The following DCLK3 variants were observed in gnomAD, a reference collection of about 807,000 sequenced individuals.
DCLK3 encodes the protein doublecortin like kinase 3.
DCLK3 carries 30 observed loss-of-function variants against 46.4 expected under a neutral mutation model. That is an observed-to-expected ratio of 0.65 (90% CI 0.48 to 0.88). The LOEUF is 0.88. DCLK3 is among the 40% of genes least tolerant of loss of function. The probability of loss-of-function intolerance (pLI) is 0.00; values close to 1 mark genes in which losing one functional copy is unlikely to be tolerated. For synonymous variants in DCLK3, 401 were observed against 339.2 expected (o/e 1.18, Z -2.00); for missense variants, 846 against 907.1 (o/e 0.93, Z 0.87).
Position 36,738,489 on chromosome 3 carries a change from G to A in DCLK3, c.678C>T (p.Thr226=), listed in dbSNP as rs188521258. 5.4e-5 allele frequency: 81 copies of A among 1,491,628 alleles called. No individual in the cohort carries two copies. In the East Asian group the frequency reaches 5.6e-4, roughly 10 times the overall value. The allele number at this position is 1,491,628 out of a possible 1,614,324, so 92.4% of individuals were successfully genotyped here. ...ALKGDHRCGE[T]ETPKSCSEVA... is the part of the protein sequence containing the mutation. ...CTTCGCTGCAGCTCTTGGGGGTCTCGGTCTCCCCACAGCGGTGGTCTCCTT... is the reference window on the plus strand; with the variant it reads ...CTTCGCTGCAGCTCTTGGGGGTCTCAGTCTCCCCACAGCGGTGGTCTCCTT... The change falls in exon 2 of 5, where the codon ACC becomes ACT. Residue 226 remains threonine, a synonymous_variant. Coordinates refer to ENST00000636136, the MANE Select transcript of DCLK3 (RefSeq NM_001394672.2).
chr3:36,755,994 G>T (rs1300806477), intron 1 of DCLK3, among the ~76,000 whole-genome samples: 1 of 152,190 alleles, frequency 6.6e-6, no homozygotes. Context: ...TCCACCTACA[G>T]TCCAGTGGCC....
intron 2 of DCLK3, among the ~76,000 whole-genome samples, chr3:36,727,669 C>T (rs947261668): frequency 4.6e-5 from 7 of 152,136 alleles, no homozygotes; most frequent in Non-Finnish European, 1.0e-4. Context: ...TGGGGGGCAG[C>T]GGTTAAGATC....
In DCLK3 at chr3:36,738,480, G is replaced by C; in HGVS notation, c.687C>G (p.Pro229=). 2 of 1,488,588 alleles carry C rather than the reference G, an allele frequency of 1.3e-6. No homozygotes were observed. The highest frequency in any genetic ancestry group is 2.5e-5 in the Admixed American group (1 of 40,200). The allele number at this position is 1,488,588 out of a possible 1,614,324, so 92.2% of individuals were successfully genotyped here. A position where few individuals can be genotyped will look rare whatever the true frequency, so the allele number is the denominator to read the frequency against. Residue 229 remains proline, a synonymous_variant, in exon 2 of 5, where the codon CCC becomes CCG. Transcript: ENST00000636136. The part of the protein sequence containing the change: ...GDHRCGETET[P]KSCSEVAGCK... The stretch of plus-strand genomic sequence containing the variant: ...ATCCTGCAACTTCGCTGCAGCTCTT[G>C]GGGGTCTCGGTCTCCCCACAGCGGT...
intron 4 of DCLK3, 114 bp downstream of exon 4, chr3:36,717,896 G>T: frequency 7.3e-7 from 1 of 1,360,598 alleles, no homozygotes; most frequent in Non-Finnish European, 1.0e-6. Context: ...TAAAGGCTGA[G>T]ACATGACATG....
chr3:36,726,621 T>TC (rs1701128410), intron 2 of DCLK3, among the ~76,000 whole-genome samples: 1 of 152,062 alleles, frequency 6.6e-6, no homozygotes, highest in East Asian at 1.9e-4. Context: ...GAATAAATTC[T>TC]CCCCACTTGC....
chr3:36,760,384 C>A lies in DCLK3; in HGVS notation c.82+3798G>T, dbSNP rs150660297. 3.7e-3 allele frequency among the ~76,000 whole-genome samples: 557 copies of A among 151,830 alleles called. 17 individuals are homozygous for A. The East Asian group carries it at 0.089, about 24-fold the overall frequency. ...AGCAAACTATCGCAAGGACAAAAAA[C>A]CAAACACCGCATTTTCTCACTCATA... is the stretch of plus-strand genomic sequence containing the variant. On this transcript the variant is annotated intron_variant, in intron 1 of 4. Coordinates refer to ENST00000636136, the MANE Select transcript of DCLK3 (RefSeq NM_001394672.2).
At chr3:36,722,999 A>G (rs1701080975) in intron 2 of DCLK3, among the ~76,000 whole-genome samples, 1 of 152,232 alleles carries the variant, frequency 6.6e-6, no homozygotes, top group Non-Finnish European at 1.5e-5. Context: ...AGACAGAAAA[A>G]TGTGGGAAAG....
Position 36,764,224 on chromosome 3 carries a change from G to C in DCLK3, c.40C>G (p.Pro14Ala), listed in dbSNP as rs1446482356. The change falls in exon 1 of 5, where the codon CCG becomes GCG. Residue 14 changes from proline (P) to alanine (A), a missense_variant. This residue lies in a region of DCLK3 where 553 missense variants were observed against 543.0 expected (regional missense o/e 1.02). Coordinates refer to ENST00000636136, the MANE Select transcript of DCLK3 (RefSeq NM_001394672.2). This position sits in a 1 kb window ranked among gnomAD's most constrained non-coding sequence, Gnocchi z 4.9. ...GGGCAGGCTGGGGCTGGCCGGGCCG[G>C]GGGCGGCGGCGGCTGCGGGGCTGGA... The part of the protein sequence containing the change: ...ATPAPQPPPP[P>A]ARPAPACPAR... 1 of 323,438 alleles carries C rather than the reference G, an allele frequency of 3.1e-6. No individual in the cohort carries two copies. Among genetic ancestry groups the C allele is most frequent in the Non-Finnish European group, 5.6e-6 (1 of 177,840 alleles). 20.0% of individuals were successfully genotyped at this position (323,438 alleles called of 1,614,324 possible).
rs1701293154 is a variant in DCLK3, at chr3:36,738,155, C to A, written c.1012G>T (p.Gly338Cys). ...AGCTTCTCCACATCATACATTGGGC[C>A]CTTCCCCATATCCAGCTCACTGGTC... ...LGTSELDMGKGPMYDVEKLVR... is the reference protein window; with the variant it reads ...LGTSELDMGKCPMYDVEKLVR... Residue 338 changes from glycine to cysteine, a missense_variant, in exon 2 of 5, where the codon GGC becomes TGC. Gly to Cys is a radical substitution (Grantham distance 159). Transcript: ENST00000636136. The A allele has an allele frequency of 6.2e-7, 1 of 1,614,082 alleles. No individual in the cohort carries two copies. Among genetic ancestry groups the A allele is most frequent in the Non-Finnish European group, 8.5e-7 (1 of 1,180,000 alleles).
At chr3:36,728,720 AT>A (rs1701155927) in intron 2 of DCLK3, among the ~76,000 whole-genome samples, 1 of 152,204 alleles carries the variant, frequency 6.6e-6, no homozygotes, top group Admixed American at 6.5e-5. Flanking sequence ...CTCAGTCTCC[AT>A]AATCATGTGA....
intron 2 of DCLK3, among the ~76,000 whole-genome samples, chr3:36,727,247 C>A (rs1039180355): frequency 6.6e-6 from 1 of 152,096 alleles, no homozygotes; most frequent in Admixed American, 6.5e-5. Flanking sequence ...TGAGGTCGAG[C>A]CACTGCACTC....
At chr3:36,715,824 G>A (rs1700973355) in intron 4 of DCLK3, among the ~76,000 whole-genome samples, 1 of 152,160 alleles carries the variant, frequency 6.6e-6, no homozygotes, top group Non-Finnish European at 1.5e-5. Context: ...GCAGGGAGGG[G>A]GGTTACCATG....
Position 36,757,887 on chromosome 3 carries a change from G to C in DCLK3, c.82+6295C>G, listed in dbSNP as rs536284171. ...ATCGCAGTCAACCTCAAAGTCCTGT[G>C]GATTCCAGCTCCTGCGTGTCTCTCA... On this transcript the variant is annotated intron_variant, in intron 1 of 4. Transcript: ENST00000636136. Among the ~76,000 whole-genome samples the C allele has an allele frequency of 2.6e-5, 4 of 151,950 alleles. No homozygotes were observed. The East Asian group carries it at 7.8e-4, about 29-fold the overall frequency.
intron 2 of DCLK3, among the ~76,000 whole-genome samples, chr3:36,729,255 G>C (rs994102810): frequency 1.3e-5 from 2 of 151,606 alleles, no homozygotes; most frequent in African/African-American, 4.8e-5. Flanking sequence ...GTGTGGGGGG[G>C]GGGGGTACAA....
At chr3:36,753,475 A>G (rs147349856) in intron 1 of DCLK3, among the ~76,000 whole-genome samples, 41 of 152,324 alleles carry the variant, frequency 2.7e-4, no homozygotes, top group African/African-American at 9.6e-4. Flanking sequence ...CTAAGGAAAC[A>G]GCTTAATAAA....
chr3:36,735,613 T>G (rs532473927), intron 2 of DCLK3, among the ~76,000 whole-genome samples: 19 of 152,306 alleles, frequency 1.2e-4, no homozygotes, highest in Non-Finnish European at 2.4e-4. Flanking sequence ...GAAAACAGTG[T>G]AAATCCCTTC....
In DCLK3 at chr3:36,737,481, C is replaced by T. The variant is rs760240037; in HGVS notation, c.1686G>A (p.Lys562=). ...AMKIIDKSRL[K]GKEDMVDSEI... ...CACTGTCCACCATGTCCTCCTTGCCCTTGAGTCTGGACTTGTCAATGATCT... is the reference window on the plus strand; with the variant it reads ...CACTGTCCACCATGTCCTCCTTGCCTTTGAGTCTGGACTTGTCAATGATCT... The change falls in exon 2 of 5, where the codon AAG becomes AAA. Residue 562 remains lysine (K), a synonymous_variant. Transcript: ENST00000636136. This position sits in a 1 kb window ranked among gnomAD's most constrained non-coding sequence, Gnocchi z 4.4. 14 of 1,614,092 alleles carry T rather than the reference C, an allele frequency of 8.7e-6. No homozygotes were observed. The South Asian group carries it at 1.3e-4, about 15-fold the overall frequency.
chr3:36,753,810 C>T (rs990983645), intron 1 of DCLK3, among the ~76,000 whole-genome samples: 1 of 152,174 alleles, frequency 6.6e-6, no homozygotes, highest in Non-Finnish European at 1.5e-5. Flanking sequence ...GCTGACACTA[C>T]AGGCATGAGC....
chr3:36,718,300 G>T, intron 3 of DCLK3, 123 bp from the exon 4 acceptor site: 2 of 1,316,642 alleles, frequency 1.5e-6, no homozygotes, highest in Non-Finnish European at 1.0e-6. Flanking sequence ...CCAGCTCTCA[G>T]CAACCAAGAG....
Sources: allele counts gnomAD v4.1 joint callset (sites outside exome capture counted in the v4.1 genomes callset), GRCh38; gene constraint gnomAD v4.1.1; regional missense constraint gnomAD v4.1.1; non-coding constraint Gnocchi (gnomAD v3.1); transcripts MANE v1.5; gene names NCBI Gene and HGNC (gene_info 2026-07-23, HGNC 2026-07-21).